The following HEATR5B variants were observed in gnomAD, a reference collection of about 807,000 sequenced individuals.
The protein encoded by HEATR5B is HEAT repeat-containing protein 5B.
Under a neutral mutation model 224.1 loss-of-function variants are expected in HEATR5B, and 156 were observed. That is an observed-to-expected ratio of 0.70 (90% CI 0.61 to 0.80). The LOEUF is 0.80. Among genes scored for constraint, HEATR5B ranks in the 30% least tolerant of loss-of-function variants. The pLI is 0.00. For synonymous variants in HEATR5B, 1,027 were observed against 893.0 expected, an observed-to-expected ratio of 1.15 and a Z score of -2.68; for missense variants, 2,323 against 2,535.5, an observed-to-expected ratio of 0.92 and a Z score of 1.80.
chr2:37,058,776 A>C (rs776341558), intron 13 of HEATR5B, 112 bp downstream of exon 13: 37 of 740,986 alleles, frequency 5.0e-5, no homozygotes, highest in Non-Finnish European at 7.3e-5. Flanking sequence ...ATATTACAAA[A>C]ATAAAGTTTT....
chr2:37,012,195 G>C (rs1367163966), intron 27 of HEATR5B, among the ~76,000 whole-genome samples: 1 of 152,096 alleles, frequency 6.6e-6, no homozygotes, highest in African/African-American at 2.4e-5. Flanking sequence ...TACCTAATGT[G>C]TGCGTGCGTG....
intron 26 of HEATR5B, among the ~76,000 whole-genome samples, chr2:37,019,329 G>A (rs1572819338): frequency 1.3e-5 from 2 of 151,790 alleles, no homozygotes; most frequent in South Asian, 4.2e-4. Context: ...CATAATGTGT[G>A]GTCAAAAACA....
chr2:36,992,373 G>GAATT (rs1416459170), intron 33 of HEATR5B, among the ~76,000 whole-genome samples: 1 of 152,130 alleles, frequency 6.6e-6, no homozygotes, highest in Non-Finnish European at 1.5e-5. Flanking sequence ...TTGAGCTCAG[G>GAATT]AATTCAAGAC....
chr2:37,065,657 AATG>A (rs1327300471), intron 9 of HEATR5B, 95 bp downstream of exon 9: 4 of 1,001,376 alleles, frequency 4.0e-6, no homozygotes, highest in South Asian at 3.1e-5. Flanking sequence ...CTGAAGTGCT[AATG>A]ATGATGATAA....
rs1489930236 is a variant in HEATR5B, at chr2:36,988,630, A to C, written c.5911+16T>G. The C allele has an allele frequency of 1.9e-6, 3 of 1,585,426 alleles. No individual in the cohort carries two copies. Among genetic ancestry groups the C allele is most frequent in the Non-Finnish European group, 2.6e-6 (3 of 1,156,312 alleles). Reference sequence around the variant, plus strand: ...CTTCATTCTGAACTAGTAGCTTTTTATAAGAATATACTTACTGTTTTGTTC... The same window carrying C: ...CTTCATTCTGAACTAGTAGCTTTTTCTAAGAATATACTTACTGTTTTGTTC... On this transcript the variant is annotated intron_variant, in intron 35 of 35. Transcript: ENST00000233099.
chr2:37,028,993 A>C lies in HEATR5B; in HGVS notation c.3362-73T>G. 3.5e-6 allele frequency: 5 copies of C among 1,440,212 alleles called. 1 individual carries two copies. The South Asian group carries it at 6.4e-5, about 18-fold the overall frequency. 89.2% of individuals were successfully genotyped at this position (1,440,212 alleles called of 1,614,324 possible). ...GCTATAGGTAACAATTATGATAAAG[A>C]CCAAGTCTTACATATAAATTCACAA... On this transcript the variant is annotated intron_variant, in intron 22 of 35. Transcript: ENST00000233099.
chr2:37,072,027 A>AC, intron 6 of HEATR5B, 83 bp downstream of exon 6: 1 of 1,133,398 alleles, frequency 8.8e-7, no homozygotes, highest in Non-Finnish European at 1.2e-6. Flanking sequence ...ATACCTAAAA[A>AC]TTTAAATCCA....
In HEATR5B at chr2:37,008,867, G is replaced by C; in HGVS notation, c.4285-19C>G. 1 of 1,371,994 alleles carries C rather than the reference G, an allele frequency of 7.3e-7. No individual in the cohort carries two copies. The highest frequency in any genetic ancestry group is 1.0e-6 in the Non-Finnish European group (1 of 973,274). The allele number at this position is 1,371,994 out of a possible 1,614,324, so 85.0% of individuals were successfully genotyped here. A position where few individuals can be genotyped will look rare whatever the true frequency, so the allele number is the denominator to read the frequency against. On this transcript the variant is annotated intron_variant, in intron 27 of 35. Coordinates refer to ENST00000233099, the MANE Select transcript of HEATR5B (RefSeq NM_019024.3). ...CATATACCTAATATGATATTTATGA[G>C]GACAAAATAGTAAGGCATAAGATAA...
chr2:36,993,086 G>T (rs779775389), intron 33 of HEATR5B, among the ~76,000 whole-genome samples: 47 of 152,076 alleles, frequency 3.1e-4, no homozygotes, highest in Non-Finnish European at 4.7e-4. Flanking sequence ...TTTTTCTACT[G>T]AAAGGAATCA....
At chr2:36,987,874 C>G (rs1666049807) in intron 35 of HEATR5B, among the ~76,000 whole-genome samples, 1 of 151,996 alleles carries the variant, frequency 6.6e-6, no homozygotes, top group African/African-American at 2.4e-5. Flanking sequence ...GAGTCAGAGA[C>G]CAACCTGGGC....
At chr2:37,006,798 G>GT (rs1667452761) in intron 29 of HEATR5B, among the ~76,000 whole-genome samples, 1 of 152,012 alleles carries the variant, frequency 6.6e-6, no homozygotes, top group South Asian at 2.1e-4. Flanking sequence ...AACATATTAC[G>GT]TTTTTTTACT....
Position 37,083,369 on chromosome 2 carries a change from G to C in HEATR5B, c.46C>G (p.Gln16Glu), listed in dbSNP as rs755119466. ...ACTGGTCTTTTTGCTTCGGTGATTT[G>C]AGCCAAAGCTTCTTCATTTAGCAAT... ...SLLLNEEALA[Q>E]ITEAKRPVFI... The change falls in exon 2 of 36, where the codon CAA becomes GAA. Residue 16 changes from glutamine to glutamate, a missense_variant. By Grantham distance (29) the Gln-to-Glu change is conservative. Coordinates refer to ENST00000233099, the MANE Select transcript of HEATR5B (RefSeq NM_019024.3). The C allele has an allele frequency of 4.3e-6, 7 of 1,613,514 alleles. No individual in the cohort carries two copies. Among genetic ancestry groups the C allele is most frequent in the Non-Finnish European group, 4.2e-6 (5 of 1,179,600 alleles).
Position 37,079,316 on chromosome 2 carries a change from T to C in HEATR5B, c.142A>G (p.Lys48Glu), listed in dbSNP as rs1302122103. The change falls in exon 3 of 36, where the codon AAA becomes GAA. Residue 48 changes from lysine to glutamate, a missense_variant. Coordinates refer to ENST00000233099, the MANE Select transcript of HEATR5B (RefSeq NM_019024.3). ...AATTGTTCAACAAGTTTTTTCTGTT[T>C]TTCCTTTACATCGGTCTGTTACAAA... is the stretch of plus-strand genomic sequence containing the variant. ...VAANKTDVKEKQKKLVEQLTG... is the reference protein window; with the variant it reads ...VAANKTDVKEEQKKLVEQLTG... 2 of 1,605,660 alleles carry C rather than the reference T, an allele frequency of 1.2e-6. No homozygotes were observed. Among genetic ancestry groups the C allele is most frequent in the Admixed American group, 1.7e-5 (1 of 59,000 alleles).
At position 37,053,330 on chromosome 2, in the gene HEATR5B, T is replaced by A. The variant is rs564722169; in HGVS notation, c.2505+172A>T. 2.6e-5 allele frequency among the ~76,000 whole-genome samples: 4 copies of A among 152,348 alleles called. No individual in the cohort carries two copies. In the South Asian group the frequency reaches 8.3e-4, roughly 32 times the overall value. On this transcript the variant is annotated intron_variant, in intron 17 of 35. Coordinates refer to ENST00000233099, the MANE Select transcript of HEATR5B (RefSeq NM_019024.3). ...ACAACATTAAAATATAAAACATTTATTTAACTACACTGAGCCTAACATAAA... is the reference window on the plus strand; with the variant it reads ...ACAACATTAAAATATAAAACATTTAATTAACTACACTGAGCCTAACATAAA...
chr2:36,988,631 TAAGAA>T lies in HEATR5B; in HGVS notation c.5911+10_5911+14del. On this transcript the variant is annotated intron_variant, in intron 35 of 35. Coordinates refer to ENST00000233099, the MANE Select transcript of HEATR5B (RefSeq NM_019024.3). ...TTCATTCTGAACTAGTAGCTTTTTA[TAAGAA>T]TATACTTACTGTTTTGTTCTTCACC... 1.3e-6 allele frequency: 2 copies of T among 1,587,732 alleles called. No individual in the cohort carries two copies. Among genetic ancestry groups the T allele is most frequent in the Admixed American group, 3.4e-5 (2 of 58,976 alleles).
At position 37,002,508 on chromosome 2, in the gene HEATR5B, G is replaced by T; in HGVS notation, c.5115C>A (p.Leu1705=). The T allele has an allele frequency of 6.2e-7, 1 of 1,614,174 alleles. No individual in the cohort carries two copies. The highest frequency in any genetic ancestry group is 8.5e-7 in the Non-Finnish European group (1 of 1,179,996). Reference sequence around the variant, plus strand: ...CAAACACAAGAGATTTTCCAGGAATGAGACCACCGCTGTCACCTCCTTCTC... The same window carrying T: ...CAAACACAAGAGATTTTCCAGGAATTAGACCACCGCTGTCACCTCCTTCTC... The part of the protein sequence containing the change: ...VLGEGGDSGG[L]IPGKSLVFAT... The change falls in exon 32 of 36, where the codon CTC becomes CTA. Residue 1705 remains leucine, a synonymous_variant. Transcript: ENST00000233099.
At chr2:37,036,242 T>A (rs1669467135) in intron 21 of HEATR5B, among the ~76,000 whole-genome samples, 1 of 152,196 alleles carries the variant, frequency 6.6e-6, no homozygotes, top group African/African-American at 2.4e-5. Context: ...TAGAATAAAG[T>A]CCAAAGGTTT....
At chr2:37,066,443 T>C (rs1159681695) in intron 8 of HEATR5B, among the ~76,000 whole-genome samples, 1 of 152,240 alleles carries the variant, frequency 6.6e-6, no homozygotes, top group African/African-American at 2.4e-5. Flanking sequence ...ATTGCTACTT[T>C]AAGTGTTCCA....
chr2:37,054,990 T>C, intron 16 of HEATR5B: 1 of 253,942 alleles, frequency 3.9e-6, no homozygotes, highest in South Asian at 3.9e-5. Context: ...CAAAGCATTA[T>C]TCAAAACTCA....
Sources: allele counts gnomAD v4.1 joint callset (sites outside exome capture counted in the v4.1 genomes callset), GRCh38; gene constraint gnomAD v4.1.1; transcripts MANE v1.5; gene names NCBI Gene and HGNC (gene_info 2026-07-23, HGNC 2026-07-21).